EXOC4: variants seen among roughly 807,000 people sequenced by gnomAD.
The protein encoded by EXOC4 is SEC8-like 1.
In EXOC4, 71 loss-of-function variants were observed where a neutral mutation model predicts 107.2. That is an observed-to-expected ratio of 0.66 (90% CI 0.55 to 0.81). The LOEUF is 0.81. EXOC4 is among the 30% of genes least tolerant of loss of function. The pLI is 0.00. For missense variants in EXOC4, 1,108 were observed against 1,189.6 expected (o/e 0.93, Z 1.01); for synonymous variants, 456 against 441.2 (o/e 1.03, Z -0.42).
chr7:133,649,717 C>T (rs1425284732), intron 10 of EXOC4, among the ~76,000 whole-genome samples: 6 of 152,012 alleles, frequency 3.9e-5, no homozygotes, highest in Non-Finnish European at 5.9e-5. Flanking sequence ...CTCTCAGAAG[C>T]GCTGGTGTAG....
chr7:133,448,531 C>T (rs564759458), intron 7 of EXOC4, among the ~76,000 whole-genome samples: 1 of 152,180 alleles, frequency 6.6e-6, no homozygotes, highest in African/African-American at 2.4e-5. Context: ...TGGTCTCAAA[C>T]TCCTGGCCTC....
intron 17 of EXOC4, among the ~76,000 whole-genome samples, chr7:134,009,483 A>G (rs546374358): frequency 6.6e-6 from 1 of 151,238 alleles, no homozygotes; most frequent in African/African-American, 2.4e-5. Context: ...CTTTCTTTCT[A>G]TTTGTGGGAA....
chr7:133,420,348 A>G (rs1405619471), intron 7 of EXOC4, among the ~76,000 whole-genome samples: 1 of 151,264 alleles, frequency 6.6e-6, no homozygotes, highest in Admixed American at 6.6e-5. Flanking sequence ...TATGTGCCAC[A>G]TTTTCTTAAT....
At chr7:133,818,701 C>T (rs1465998494) in intron 11 of EXOC4, among the ~76,000 whole-genome samples, 1 of 152,118 alleles carries the variant, frequency 6.6e-6, no homozygotes, top group Admixed American at 6.5e-5. Context: ...GATATCTCTT[C>T]CGGCTCTTTG....
At chr7:134,049,217 C>T (rs879283675) in intron 17 of EXOC4, among the ~76,000 whole-genome samples, 13 of 152,124 alleles carry the variant, frequency 8.5e-5, no homozygotes, top group Non-Finnish European at 1.9e-4. Context: ...TGTTAAAATA[C>T]CTTCTTTTAT....
At chr7:134,087,373 A>T in the EXOC4 span, among the ~76,000 whole-genome samples, 1 of 152,204 alleles carries the variant, frequency 6.6e-6, no homozygotes, top group African/African-American at 2.4e-5. Flanking sequence ...GGTGAGGGAC[A>T]TTCATAACTT....
intron 9 of EXOC4, among the ~76,000 whole-genome samples, chr7:133,516,757 C>CTTTTTTTTTTTT (rs1563093913): frequency 1.9e-4 from 1 of 5,292 alleles, no homozygotes; most frequent in African/African-American, 5.9e-4. Flanking sequence ...ACTAGCTGCT[C>CTTTTTTTTTTTT]ATTTTTTTTT....
chr7:133,522,008 T>C (rs965435564), intron 9 of EXOC4, among the ~76,000 whole-genome samples: 2 of 152,090 alleles, frequency 1.3e-5, no homozygotes, highest in African/African-American at 4.8e-5. Context: ...AAACTGGATT[T>C]GAGTAGTTTA....
rs781150776 is a variant in EXOC4, at chr7:133,309,666, G to C, written c.656+3605G>C. 1.4e-4 allele frequency among the ~76,000 whole-genome samples: 21 copies of C among 152,178 alleles called. 1 individual carries two copies. The highest frequency in any genetic ancestry group is 2.5e-4 in the Non-Finnish European group (17 of 68,028). On this transcript the variant is annotated intron_variant, in intron 4 of 17. Transcript: ENST00000253861. ...TTGTGGAAAAAAAGGTCAGCCGGGC[G>C]TGGAGGCTCACGCCTGTAATCCCAG... is the stretch of plus-strand genomic sequence containing the variant.
At chr7:133,862,824 A>G (rs1798563433) in intron 11 of EXOC4, among the ~76,000 whole-genome samples, 1 of 152,170 alleles carries the variant, frequency 6.6e-6, no homozygotes, top group South Asian at 2.1e-4. Flanking sequence ...ACATTTGGCA[A>G]TGTGACAGAT....
chr7:133,640,887 A>T, intron 10 of EXOC4, among the ~76,000 whole-genome samples: 1 of 151,074 alleles, frequency 6.6e-6, no homozygotes, highest in East Asian at 1.9e-4. Context: ...TTTTTTTAAG[A>T]GAGAGGATCT....
intron 12 of EXOC4, among the ~76,000 whole-genome samples, chr7:133,903,615 G>A (rs1799504005): frequency 6.6e-6 from 1 of 152,240 alleles, no homozygotes; most frequent in African/African-American, 2.4e-5. Context: ...AAGCAGATCA[G>A]TGCTTAAATT....
At chr7:133,609,462 G>T (rs1802027858) in intron 9 of EXOC4, among the ~76,000 whole-genome samples, 1 of 152,164 alleles carries the variant, frequency 6.6e-6, no homozygotes, top group South Asian at 2.1e-4. Context: ...TAGCTATGTG[G>T]CAATTGCCCT....
At chr7:133,525,485 T>C (rs1426681243) in intron 9 of EXOC4, among the ~76,000 whole-genome samples, 1 of 152,220 alleles carries the variant, frequency 6.6e-6, no homozygotes, top group Non-Finnish European at 1.5e-5. Context: ...TTGGTGAGAC[T>C]GCTTCAGAGC....
At chr7:133,375,601 A>G (rs1187805729) in intron 7 of EXOC4, among the ~76,000 whole-genome samples, 1 of 152,164 alleles carries the variant, frequency 6.6e-6, no homozygotes, top group East Asian at 1.9e-4. Flanking sequence ...TTAGTCATAT[A>G]TTAAGGTAAA....
the EXOC4 span, among the ~76,000 whole-genome samples, chr7:134,093,235 A>G: frequency 6.6e-6 from 1 of 152,192 alleles, no homozygotes; most frequent in South Asian, 2.1e-4. Flanking sequence ...AAGATCTGCC[A>G]TGCAAAACAA....
At chr7:133,555,691 G>A (rs994024461) in intron 9 of EXOC4, among the ~76,000 whole-genome samples, 2 of 152,158 alleles carry the variant, frequency 1.3e-5, no homozygotes, top group Admixed American at 6.5e-5. Context: ...TATAACATAT[G>A]CTCGATAGAC....
chr7:134,099,208 A>T, the EXOC4 span, among the ~76,000 whole-genome samples: 1 of 152,160 alleles, frequency 6.6e-6, no homozygotes, highest in Non-Finnish European at 1.5e-5. Flanking sequence ...CCTTGTAAAA[A>T]GGGTGATGGG....
chr7:133,707,017 C>G (rs757228259), intron 10 of EXOC4, among the ~76,000 whole-genome samples: 55 of 152,076 alleles, frequency 3.6e-4, no homozygotes, highest in Admixed American at 5.9e-4. Context: ...CTGTCTCTAT[C>G]CCAGTAAACC....
Sources: allele counts gnomAD v4.1 joint callset (sites outside exome capture counted in the v4.1 genomes callset), GRCh38; gene constraint gnomAD v4.1.1; transcripts MANE v1.5; gene names NCBI Gene and HGNC (gene_info 2026-07-23, HGNC 2026-07-21).